BPI: variants seen among roughly 807,000 people sequenced by gnomAD.
The protein encoded by BPI is bactericidal permeability increasing protein.
In BPI, 48 loss-of-function variants were observed where a neutral mutation model predicts 57.6. That is an observed-to-expected ratio of 0.83 (90% CI 0.66 to 1.06). The LOEUF (loss-of-function observed/expected upper bound fraction) is 1.06, where lower values mean the gene tolerates loss of function less well. Ranked by LOEUF, BPI falls within the 50% of genes least tolerant of loss-of-function variation. The pLI, the probability that BPI is intolerant of heterozygous loss-of-function variation, is 0.00. For missense variants in BPI, 651 were observed against 609.7 expected (o/e 1.07, Z -0.71); for synonymous variants, 237 against 238.2 (o/e 0.99, Z 0.05).
chr20:38,327,468 C>T, intron 10 of BPI, 120 bp from the exon 11 acceptor site: 2 of 1,063,542 alleles, frequency 1.9e-6, no homozygotes, highest in East Asian at 5.3e-5. Flanking sequence ...CTCTGTGGGC[C>T]TGACCCCACA....
intron 5 of BPI, chr20:38,317,755 G>A (rs6127733): frequency 0.054 from 69,130 of 1,285,218 alleles, 2,641 homozygotes; most frequent in East Asian, 0.2. Flanking sequence ...GCCATGTTCC[G>A]TTTTACAGAT....
intron 11 of BPI, among the ~76,000 whole-genome samples, chr20:38,328,529 G>A (rs1568818161): frequency 6.6e-6 from 1 of 151,914 alleles, no homozygotes; most frequent in Non-Finnish European, 1.5e-5. Flanking sequence ...CAGCCTGGGA[G>A]ACAGAGTGAG....
At chr20:38,330,914 C>G in intron 11 of BPI, 134 bp from the exon 12 acceptor site, 1 of 979,604 alleles carries the variant, frequency 1.0e-6, no homozygotes, top group Non-Finnish European at 1.6e-6. Flanking sequence ...GGGCTGTGAC[C>G]CGTGGAAGGG....
intron 4 of BPI, among the ~76,000 whole-genome samples, chr20:38,310,921 C>G (rs1168982451): frequency 6.6e-6 from 1 of 152,252 alleles, no homozygotes; most frequent in East Asian, 1.9e-4. Context: ...TACATATGCA[C>G]TAAATTATAT....
intron 7 of BPI, among the ~76,000 whole-genome samples, chr20:38,321,177 A>T (rs111416388): frequency 1.6e-5 from 2 of 124,356 alleles, no homozygotes; most frequent in Non-Finnish European, 1.6e-5. Flanking sequence ...GGATGGATGG[A>T]TGGATGGATA....
At chr20:38,335,460 T>G in intron 13 of BPI, 138 bp from the exon 14 acceptor site, 3 of 745,996 alleles carry the variant, frequency 4.0e-6, no homozygotes, top group East Asian at 2.5e-5. Flanking sequence ...CTTTCAGGCA[T>G]GTATGCCCAT....
intron 7 of BPI, chr20:38,321,801 C>T (rs2076687113): frequency 6.7e-6 from 1 of 150,356 alleles, no homozygotes; most frequent in Non-Finnish European, 1.5e-5. Flanking sequence ...AAGTGTAGAT[C>T]CCTCCAACCC....
Position 38,327,582 on chromosome 20 carries a change from T to C in BPI, c.1162-6T>C, listed in dbSNP as rs2076719745. ...GGCACTTCACCCTGGGTTGTTGTTTTGGCAGCACACAACTGGTTCCATGGA... is the reference window on the plus strand; with the variant it reads ...GGCACTTCACCCTGGGTTGTTGTTTCGGCAGCACACAACTGGTTCCATGGA... On this transcript the variant is annotated splice_polypyrimidine_tract_variant and splice_region_variant and intron_variant, in intron 10 of 14. Coordinates refer to ENST00000642449, the MANE Select transcript of BPI (RefSeq NM_001725.3). 1 of 1,612,898 alleles carries C rather than the reference T, an allele frequency of 6.2e-7. No homozygotes were observed. The highest frequency in any genetic ancestry group is 8.5e-7 in the Non-Finnish European group (1 of 1,179,480).
Position 38,307,651 on chromosome 20 carries a change from A to T in BPI, c.215A>T (p.His72Leu). Residue 72 changes from histidine (H) to leucine (L), a missense_variant, in exon 2 of 15, where the codon CAT (histidine) becomes CTT (leucine). Coordinates refer to ENST00000642449, the MANE Select transcript of BPI (RefSeq NM_001725.3). ...TACTCAGACAGCTTTAAGATCAAGCATCTTGGGAAGGGGCATTATAGCTTC... is the reference window on the plus strand; with the variant it reads ...TACTCAGACAGCTTTAAGATCAAGCTTCTTGGGAAGGGGCATTATAGCTTC... ...PDYSDSFKIK[H>L]LGKGHYSFYS... 2 of 1,612,196 alleles carry T rather than the reference A, an allele frequency of 1.2e-6. No homozygotes were observed. The highest frequency in any genetic ancestry group is 1.7e-6 in the Non-Finnish European group (2 of 1,179,220).
intron 10 of BPI, 196 bp downstream of exon 10, chr20:38,326,628 G>A (rs934156015): frequency 3.3e-5 from 18 of 543,868 alleles, no homozygotes; most frequent in Admixed American, 1.2e-4. Context: ...TCACTAGTGC[G>A]TTTGTTTACT....
intron 12 of BPI, 30 bp downstream of exon 12, chr20:38,331,120 C>T (rs2076740337): frequency 2.5e-6 from 4 of 1,609,716 alleles, no homozygotes; most frequent in Non-Finnish European, 3.4e-6. Context: ...TGGCTTCTTC[C>T]TCCTTCTGAC....
At position 38,331,107 on chromosome 20, in the gene BPI, T is replaced by A. The variant is rs2122561391; in HGVS notation, c.1272+17T>A. 5 of 1,613,548 alleles carry A rather than the reference T, an allele frequency of 3.1e-6. No individual in the cohort carries two copies. In the East Asian group the frequency reaches 1.1e-4, roughly 36 times the overall value. On this transcript the variant is annotated intron_variant, in intron 12 of 14. Transcript: ENST00000642449. ...CCCTTCCCGGTGAGTCTGAGGCCCT[T>A]GGTGGCTTCTTCCTCCTTCTGACCT...
chr20:38,309,638 G>A (rs2076612827), intron 3 of BPI, among the ~76,000 whole-genome samples: 1 of 152,162 alleles, frequency 6.6e-6, no homozygotes, highest in Non-Finnish European at 1.5e-5. Flanking sequence ...CAAAGTCAAG[G>A]GCAAGCAAAG....
chr20:38,326,651 T>G, intron 10 of BPI: 1 of 488,096 alleles, frequency 2.0e-6, no homozygotes, highest in Non-Finnish European at 3.5e-6. Context: ...TTCATTCAAT[T>G]ATTCATTCAG....
intron 5 of BPI, among the ~76,000 whole-genome samples, chr20:38,312,659 T>C (rs372791049): frequency 6.6e-5 from 10 of 152,284 alleles, no homozygotes; most frequent in Admixed American, 5.2e-4. Context: ...CCCTGTCCAC[T>C]GTGGGAATGA....
chr20:38,318,039 T>G (rs1410745180), intron 5 of BPI: 1 of 984,962 alleles, frequency 1.0e-6, no homozygotes, highest in Non-Finnish European at 1.2e-6. Flanking sequence ...TACCTCGTAT[T>G]TGTTTATTAC....
At chr20:38,336,876 C>A (rs531862692) in intron 14 of BPI, among the ~76,000 whole-genome samples, 1 of 152,240 alleles carries the variant, frequency 6.6e-6, no homozygotes, top group African/African-American at 2.4e-5. Context: ...GAGGCAGGGA[C>A]GACAAATGAA....
rs148087853 is a variant in BPI, at chr20:38,309,011, C to T, written c.327C>T (p.Asn109=). The T allele has an allele frequency of 2.0e-4, 323 of 1,614,150 alleles. No individual in the cohort carries two copies. The East Asian group carries it at 3.2e-3, about 16-fold the overall frequency. ...TGGGCCTTAAGTTCTCCATCAGCAA[C>T]GCCAATATCAAGATCAGCGGGAAAT... is the stretch of plus-strand genomic sequence containing the variant. ...PNVGLKFSIS[N]ANIKISGKWK... is the part of the protein sequence containing the mutation. Residue 109 remains asparagine (N), a synonymous_variant, in exon 3 of 15, where the codon AAC becomes AAT. Coordinates refer to ENST00000642449, the MANE Select transcript of BPI (RefSeq NM_001725.3).
chr20:38,320,178 T>A lies in BPI; in HGVS notation c.665-5T>A. 1 of 1,613,252 alleles carries A rather than the reference T, an allele frequency of 6.2e-7. No homozygotes were observed. The highest frequency in any genetic ancestry group is 8.5e-7 in the Non-Finnish European group (1 of 1,179,278). ...CAGCTCATGGTCCATTTTCTTTCTC[T>A]CTAGTAATGACCAAAATAGATTCTG... On this transcript the variant is annotated splice_region_variant and splice_polypyrimidine_tract_variant and intron_variant, in intron 6 of 14. Coordinates refer to ENST00000642449, the MANE Select transcript of BPI (RefSeq NM_001725.3).
Sources: allele counts gnomAD v4.1 joint callset (sites outside exome capture counted in the v4.1 genomes callset), GRCh38; gene constraint gnomAD v4.1.1; transcripts MANE v1.5; gene names NCBI Gene and HGNC (gene_info 2026-07-23, HGNC 2026-07-21).